The following SREK1IP1 variants were observed in gnomAD, a reference collection of about 807,000 sequenced individuals.
The protein encoded by SREK1IP1 is SREK1 interacting protein 1.
A neutral mutation model predicts 22.8 loss-of-function variants in SREK1IP1; 12 were observed. The ratio of observed to expected loss-of-function variants is 0.53; its 90% CI spans 0.34 to 0.85. The LOEUF (loss-of-function observed/expected upper bound fraction) is 0.85. Ranked by LOEUF, SREK1IP1 falls within the 40% of genes least tolerant of loss-of-function variation. The pLI is 0.02. For synonymous variants in SREK1IP1, 53 were observed against 52.7 expected (o/e 1.01, Z -0.02); for missense variants, 147 against 171.8 (o/e 0.86, Z 0.81).
chr5:64,752,176 G>A (rs1742757450), intron 2 of SREK1IP1, among the ~76,000 whole-genome samples: 1 of 102,446 alleles, frequency 9.8e-6, no homozygotes, highest in African/African-American at 4.0e-5. Context: ...TTTTTAGATG[G>A]AGTCTCGCTC....
At chr5:64,747,685 T>G (rs1349493322) in intron 2 of SREK1IP1, among the ~76,000 whole-genome samples, 1 of 151,626 alleles carries the variant, frequency 6.6e-6, no homozygotes, top group Admixed American at 6.6e-5. Context: ...TCCCAGCACT[T>G]TGGGAGGTAG....
intron 4 of SREK1IP1, among the ~76,000 whole-genome samples, chr5:64,727,041 C>T (rs1360176098): frequency 6.6e-6 from 1 of 152,084 alleles, no homozygotes; most frequent in Non-Finnish European, 1.5e-5. Context: ...GCTCTAAATT[C>T]CTATTTGTTT....
chr5:64,761,468 C>A (rs1412489694), intron 1 of SREK1IP1, among the ~76,000 whole-genome samples: 1 of 152,112 alleles, frequency 6.6e-6, no homozygotes, highest in Non-Finnish European at 1.5e-5. Flanking sequence ...GGTGATATAG[C>A]CTGCTATACA....
intron 1 of SREK1IP1, among the ~76,000 whole-genome samples, chr5:64,757,303 G>T (rs2112111115): frequency 6.6e-6 from 1 of 152,266 alleles, no homozygotes; most frequent in South Asian, 2.1e-4. Context: ...GGCTGAGGTA[G>T]GAGGATCGCT....
intron 2 of SREK1IP1, among the ~76,000 whole-genome samples, chr5:64,742,760 CTCCTT>C (rs1220047456): frequency 2.0e-5 from 3 of 152,152 alleles, no homozygotes; most frequent in Non-Finnish European, 4.4e-5. Context: ...CCTGGAACTT[CTCCTT>C]TCCTTTGGTT....
At chr5:64,728,882 CAG>C (rs758492392) in intron 3 of SREK1IP1, among the ~76,000 whole-genome samples, 4 of 152,018 alleles carry the variant, frequency 2.6e-5, no homozygotes, top group African/African-American at 4.8e-5. Context: ...TTCTGGGTGA[CAG>C]AACTTGTGTA....
At chr5:64,762,307 C>CT (rs1742964531) in intron 1 of SREK1IP1, among the ~76,000 whole-genome samples, 1 of 152,060 alleles carries the variant, frequency 6.6e-6, no homozygotes, top group East Asian at 1.9e-4. Context: ...AGGACCCATT[C>CT]TTTTCATTTT....
chr5:64,737,219 T>C (rs1044522045), intron 3 of SREK1IP1, among the ~76,000 whole-genome samples: 1 of 151,866 alleles, frequency 6.6e-6, no homozygotes, highest in Non-Finnish European at 1.5e-5. Context: ...TTAAGAAGAT[T>C]GGAATCATAT....
intron 3 of SREK1IP1, among the ~76,000 whole-genome samples, chr5:64,732,919 GAA>G (rs747301015): frequency 3.9e-4 from 50 of 128,014 alleles, no homozygotes; most frequent in African/African-American, 1.2e-3. Flanking sequence ...ATTTTTTGGG[GAA>G]AAAAAAAAAA....
At chr5:64,746,436 CATCT>C (rs1742638432) in intron 2 of SREK1IP1, among the ~76,000 whole-genome samples, 1 of 152,148 alleles carries the variant, frequency 6.6e-6, no homozygotes, top group Non-Finnish European at 1.5e-5. Context: ...ATTTGCAAAT[CATCT>C]ATCTGGTAGA....
At chr5:64,754,998 AACC>A (rs1742812744) in intron 1 of SREK1IP1, among the ~76,000 whole-genome samples, 1 of 152,172 alleles carries the variant, frequency 6.6e-6, no homozygotes, top group Non-Finnish European at 1.5e-5. Flanking sequence ...TGCAAATCAA[AACC>A]ACAGTGAGAT....
At chr5:64,740,663 C>A (rs183576017) in intron 3 of SREK1IP1, among the ~76,000 whole-genome samples, 1 of 152,136 alleles carries the variant, frequency 6.6e-6, no homozygotes, top group Non-Finnish European at 1.5e-5. Context: ...ATTTGACAAT[C>A]CAACATTTTG....
intron 1 of SREK1IP1, among the ~76,000 whole-genome samples, chr5:64,763,068 T>TAA (rs1742978548): frequency 6.6e-6 from 1 of 150,388 alleles, no homozygotes; most frequent in African/African-American, 2.5e-5. Context: ...AATATATATA[T>TAA]AAACAAATAA....
intron 3 of SREK1IP1, among the ~76,000 whole-genome samples, chr5:64,733,536 C>T (rs1432481149): frequency 6.6e-6 from 1 of 152,120 alleles, no homozygotes; most frequent in Non-Finnish European, 1.5e-5. Flanking sequence ...ACACCAAATG[C>T]TAGTCACTCA....
intron 3 of SREK1IP1, among the ~76,000 whole-genome samples, chr5:64,735,328 TCTAA>T (rs1347130651): frequency 1.4e-4 from 22 of 152,096 alleles, no homozygotes; most frequent in Admixed American, 1.4e-3. Flanking sequence ...TTAATAAGTC[TCTAA>T]CTTTCTTTTC....
At chr5:64,750,443 CAA>C (rs1457729109) in intron 2 of SREK1IP1, among the ~76,000 whole-genome samples, 3 of 152,262 alleles carry the variant, frequency 2.0e-5, no homozygotes, top group East Asian at 1.9e-4. Flanking sequence ...GAATCTGACT[CAA>C]AGTTACTATT....
chr5:64,756,399 T>C (rs1358030569), intron 1 of SREK1IP1, among the ~76,000 whole-genome samples: 7 of 152,316 alleles, frequency 4.6e-5, no homozygotes, highest in Admixed American at 3.3e-4. Flanking sequence ...ACTTCATATA[T>C]AGGGAAATCA....
chr5:64,757,239 C>T (rs61456077), intron 1 of SREK1IP1, among the ~76,000 whole-genome samples: 9,573 of 152,166 alleles, frequency 0.063, 970 homozygotes, highest in African/African-American at 0.22. Context: ...TCTACAAATT[C>T]TTTGTTTTAA....
At chr5:64,763,656 T>C (rs186371908) in intron 1 of SREK1IP1, among the ~76,000 whole-genome samples, 15 of 152,386 alleles carry the variant, frequency 9.8e-5, no homozygotes, top group Admixed American at 7.2e-4. Flanking sequence ...ATCTGTTTAG[T>C]ACTATTTCTG....
Sources: gnomAD v4.1 joint callset for allele counts (sites outside exome capture counted in the v4.1 genomes callset) on GRCh38, gnomAD v4.1.1 for gene constraint, MANE v1.5 for transcripts, NCBI Gene and HGNC (gene_info 2026-07-23, HGNC 2026-07-21) for gene names.